DUOX2: variants seen among roughly 807,000 people sequenced by gnomAD.
DUOX2 encodes dual oxidase 2, also known as NADH/NADPH thyroid oxidase p138-tox.
Under a neutral mutation model 183.3 loss-of-function variants are expected in DUOX2, and 185 were observed. That is an observed-to-expected ratio of 1.01 (90% CI 0.90 to 1.14). DUOX2 has a LOEUF of 1.14. Among genes scored for constraint, DUOX2 ranks in the 50% most tolerant of loss-of-function variants. The probability of loss-of-function intolerance (pLI) is 0.00; values close to 1 mark genes in which losing one functional copy is unlikely to be tolerated. For missense variants in DUOX2, 1,999 were observed against 2,022.9 expected (o/e 0.99, Z 0.23); for synonymous variants, 788 against 812.4 (o/e 0.97, Z 0.51).
At position 45,099,658 on chromosome 15, in the gene DUOX2, G is replaced by C. The variant is rs373924991; in HGVS notation, c.3415+4C>G. The C allele has an allele frequency of 1.5e-5, 24 of 1,613,990 alleles. No individual in the cohort carries two copies. The African/African-American group carries it at 2.7e-4, about 18-fold the overall frequency. ...AAAGAGGAAGAAGCCTGGGAGTCAC[G>C]TACTGGCCAGGACAACAGCAGCCAT... is the stretch of plus-strand genomic sequence containing the variant. On this transcript the variant is annotated splice_donor_region_variant and intron_variant, in intron 25 of 33. Transcript: ENST00000389039.
intron 2 of DUOX2, 71 bp downstream of exon 2, chr15:45,113,271 C>A (rs1021987598): frequency 3.9e-6 from 6 of 1,525,812 alleles, no homozygotes; most frequent in Non-Finnish European, 1.8e-6. Flanking sequence ...AGCCGCTTGC[C>A]GCACCTCTCC....
intron 21 of DUOX2, 181 bp from the exon 22 acceptor site, chr15:45,101,455 A>G: frequency 1.5e-6 from 1 of 680,298 alleles, no homozygotes; most frequent in Admixed American, 2.2e-5. Context: ...GCAACTTTGC[A>G]CAAGAAAGGG....
chr15:45,109,435 G>A (rs1894317896), intron 11 of DUOX2, 89 bp downstream of exon 11: 6 of 1,091,956 alleles, frequency 5.5e-6, no homozygotes, highest in Non-Finnish European at 8.5e-6. Context: ...CCTGCATCGT[G>A]AGCGCCCTAG....
intron 28 of DUOX2, 25 bp downstream of exon 28, chr15:45,097,589 G>A (rs1408761563): frequency 1.9e-6 from 3 of 1,614,086 alleles, no homozygotes; most frequent in African/African-American, 2.7e-5. Context: ...CCTGCTCCAT[G>A]GGCTGGCCCA....
At chr15:45,103,529 C>T (rs543161014) in intron 20 of DUOX2, among the ~76,000 whole-genome samples, 67 of 152,340 alleles carry the variant, frequency 4.4e-4, no homozygotes, top group African/African-American at 1.6e-3. Flanking sequence ...AAGCCTTCCA[C>T]GTTTCTCTTC....
intron 9 of DUOX2, 98 bp from the exon 10 acceptor site, chr15:45,110,078 G>A: frequency 9.0e-7 from 1 of 1,105,530 alleles, no homozygotes; most frequent in East Asian, 2.4e-5. Flanking sequence ...CACTAGGATT[G>A]AGCAGTGGCC....
intron 32 of DUOX2, 48 bp from the exon 33 acceptor site, chr15:45,094,739 T>C (rs1417607884): frequency 6.2e-7 from 1 of 1,610,638 alleles, no homozygotes; most frequent in East Asian, 2.2e-5. Context: ...GGGCCAGCAC[T>C]CAGCCCGAGC....
intron 1 of DUOX2, 30 bp from the exon 2 acceptor site, chr15:45,113,455 G>A (rs1894509442): frequency 7.8e-6 from 12 of 1,538,568 alleles, no homozygotes; most frequent in South Asian, 1.2e-5. Flanking sequence ...GTGGTAGGTG[G>A]TATGCGAAAG....
rs774537641 is a variant in DUOX2, at chr15:45,110,415, A to G, written c.1040+13T>C. 5 of 1,610,800 alleles carry G rather than the reference A, an allele frequency of 3.1e-6. No individual in the cohort carries two copies. In the African/African-American group the frequency reaches 4.0e-5, roughly 13 times the overall value. On this transcript the variant is annotated intron_variant, in intron 9 of 33. Transcript: ENST00000389039. ...CTTAGTGTGGTGCCCCTCTCTGCCA[A>G]CCCCTCCCTCACCTCATGTAGACAC...
chr15:45,113,578 A>T (rs1894514793), intron 1 of DUOX2, 153 bp from the exon 2 acceptor site: 1 of 661,492 alleles, frequency 1.5e-6, no homozygotes, highest in Non-Finnish European at 2.7e-6. Flanking sequence ...ATCACCGAGG[A>T]CCTTCATCCA....
At chr15:45,103,020 C>T (rs933923607) in intron 20 of DUOX2, among the ~76,000 whole-genome samples, 1 of 152,066 alleles carries the variant, frequency 6.6e-6, no homozygotes, top group Admixed American at 6.6e-5. Flanking sequence ...AAGGTGGGAA[C>T]TCAGCCCTTG....
chr15:45,109,498 T>C (rs1382136908), intron 11 of DUOX2, 26 bp downstream of exon 11: 1 of 1,609,712 alleles, frequency 6.2e-7, no homozygotes, highest in Non-Finnish European at 8.5e-7. Context: ...TCCCTTACCA[T>C]CCACCCCTTC....
chr15:45,106,337 G>A lies in DUOX2; in HGVS notation c.1946-10C>T, dbSNP rs375051149. 5 of 1,613,574 alleles carry A rather than the reference G, an allele frequency of 3.1e-6. No homozygotes were observed. In the African/African-American group the frequency reaches 6.7e-5, roughly 22 times the overall value. On this transcript the variant is annotated splice_polypyrimidine_tract_variant and intron_variant, in intron 16 of 33. Coordinates refer to ENST00000389039, the MANE Select transcript of DUOX2 (RefSeq NM_001363711.2). ...CCTGGCCACTCCATCGCTGGGGAAG[G>A]GATAATTGGGCCGGGTAGTTCAGCA... is the stretch of plus-strand genomic sequence containing the variant.
intron 16 of DUOX2, 91 bp from the exon 17 acceptor site, chr15:45,106,418 C>T: frequency 1.3e-6 from 2 of 1,588,788 alleles, no homozygotes; most frequent in Non-Finnish European, 1.7e-6. Flanking sequence ...GAGCAGGCGC[C>T]CTAAAGGTGC....
At chr15:45,110,100 T>C in intron 9 of DUOX2, 120 bp from the exon 10 acceptor site, 2 of 911,360 alleles carry the variant, frequency 2.2e-6, no homozygotes, top group African/African-American at 1.6e-5. Flanking sequence ...AGGAACTTCC[T>C]TGAACACGGC....
chr15:45,106,653 C>T lies in DUOX2; in HGVS notation c.1832-12G>A. ...GAGAAGCAGACTCACTGAAGTGGAT[C>T]AGAAGGAACAGTGAGGAGGGAGCCC... On this transcript the variant is annotated splice_polypyrimidine_tract_variant and intron_variant, in intron 15 of 33. Transcript: ENST00000389039. 6.2e-7 allele frequency: 1 copy of T among 1,613,868 alleles called. No individual in the cohort carries two copies. Among genetic ancestry groups the T allele is most frequent in the Non-Finnish European group, 8.5e-7 (1 of 1,179,756 alleles).
intron 22 of DUOX2, 175 bp downstream of exon 22, chr15:45,101,030 A>C (rs903545884): frequency 2.8e-6 from 2 of 714,218 alleles, no homozygotes; most frequent in African/African-American, 3.5e-5. Flanking sequence ...GGAGAGAGCC[A>C]AGCATCCGAG....
rs1051588765 is a variant in DUOX2, at chr15:45,100,169, C to T, written c.3065G>A (p.Gly1022Asp). The change falls in exon 24 of 34, where the codon GGC becomes GAC. Residue 1022 changes from glycine (G) to aspartate (D), a missense_variant. Gly to Asp is a moderately conservative substitution (Grantham distance 94). Coordinates refer to ENST00000389039, the MANE Select transcript of DUOX2 (RefSeq NM_001363711.2). Reference protein sequence around the residue: ...TEALQEKMQRGFLAQKLQQYK... With the variant: ...TEALQEKMQRDFLAQKLQQYK... ...CTGCTGCAGCTTTTGGGCTAGGAAG[C>T]CTCGCTGCATCTTCTCTTGCAGCGC... 6.2e-7 allele frequency: 1 copy of T among 1,614,048 alleles called. No individual in the cohort carries two copies. The highest frequency in any genetic ancestry group is 8.5e-7 in the Non-Finnish European group (1 of 1,180,036).
At chr15:45,099,578 A>T in intron 25 of DUOX2, 84 bp downstream of exon 25, 1 of 1,563,848 alleles carries the variant, frequency 6.4e-7, no homozygotes, top group Non-Finnish European at 8.8e-7. Flanking sequence ...AGATGGAGGT[A>T]TAAGGAGTTC....
Sources: gnomAD v4.1 joint callset for allele counts (sites outside exome capture counted in the v4.1 genomes callset) on GRCh38, gnomAD v4.1.1 for gene constraint, MANE v1.5 for transcripts, NCBI Gene and HGNC (gene_info 2026-07-23, HGNC 2026-07-21) for gene names.